The following ZNF248 variants were observed in gnomAD, a reference collection of about 807,000 sequenced individuals.
The protein encoded by ZNF248 is zinc finger protein 248, also known as KRAB protein domain.
In ZNF248, 20 loss-of-function variants were observed where a neutral mutation model predicts 44.3. The ratio of observed to expected loss-of-function variants is 0.45; its 90% CI spans 0.32 to 0.66. The LOEUF is 0.66. Ranked by LOEUF, ZNF248 falls within the 30% of genes least tolerant of loss-of-function variation. The probability of loss-of-function intolerance (pLI) is 0.04; values close to 1 mark genes in which losing one functional copy is unlikely to be tolerated. For missense variants in ZNF248, 654 were observed against 677.0 expected, an observed-to-expected ratio of 0.97 and a Z score of 0.38; for synonymous variants, 224 against 229.0, an observed-to-expected ratio of 0.98 and a Z score of 0.20.
chr10:37,798,177 GA>G (rs1310627402), intron 6 of ZNF248, among the ~76,000 whole-genome samples: 2 of 152,084 alleles, frequency 1.3e-5, no homozygotes, highest in Non-Finnish European at 2.9e-5. Flanking sequence ...AATGAATCTT[GA>G]AAATATTATG....
intron 3 of ZNF248, 63 bp downstream of exon 3, chr10:37,856,233 A>T: frequency 2.6e-6 from 4 of 1,555,460 alleles, no homozygotes; most frequent in Non-Finnish European, 3.5e-6. Flanking sequence ...CAAAACATAA[A>T]CCCTTATAAA....
chr10:37,820,327 A>G, intron 6 of ZNF248: 4 of 1,393,674 alleles, frequency 2.9e-6, no homozygotes, highest in Non-Finnish European at 4.1e-6. Context: ...ACAGAAGTGA[A>G]GCACAGGCCA....
chr10:37,851,027 T>C (rs891553783), intron 3 of ZNF248, among the ~76,000 whole-genome samples: 2 of 152,030 alleles, frequency 1.3e-5, no homozygotes, highest in Non-Finnish European at 2.9e-5. Context: ...GGAGAAAATA[T>C]TTGCAAACCA....
At chr10:37,818,933 C>T (rs2053007326) in intron 6 of ZNF248, 1 of 1,111,126 alleles carries the variant, frequency 9.0e-7, no homozygotes. Context: ...ACCGACCACA[C>T]AACAATTTTA....
At chr10:37,819,036 C>G (rs1194197812) in intron 6 of ZNF248, 11 of 819,920 alleles carry the variant, frequency 1.3e-5, no homozygotes. Context: ...TCCATGCCAC[C>G]CACTGAATTG....
At chr10:37,795,182 A>T (rs2049007187) in intron 6 of ZNF248, 1 of 152,236 alleles carries the variant, frequency 6.6e-6, no homozygotes, top group Non-Finnish European at 1.5e-5. Flanking sequence ...ATGTACGTAC[A>T]GTAGAATGTG....
At chr10:37,764,188 TA>T in the ZNF248 span, among the ~76,000 whole-genome samples, 4 of 152,186 alleles carry the variant, frequency 2.6e-5, no homozygotes, top group African/African-American at 9.7e-5. Flanking sequence ...AATGCATTCC[TA>T]GGGGGAGGTC....
At chr10:37,765,737 C>A in the ZNF248 span, among the ~76,000 whole-genome samples, 3 of 152,210 alleles carry the variant, frequency 2.0e-5, no homozygotes, top group African/African-American at 7.2e-5. Flanking sequence ...GTTCATCTCA[C>A]TAGGGAGTGC....
downstream of ZNF248, among the ~76,000 whole-genome samples, chr10:37,773,988 TACACAC>T (rs139568981): frequency 6.7e-6 from 1 of 149,166 alleles, no homozygotes; most frequent in African/African-American, 2.5e-5. Flanking sequence ...TGAAAATGAA[TACACAC>T]ACACACACAC....
the ZNF248 span, among the ~76,000 whole-genome samples, chr10:37,760,890 C>G: frequency 6.6e-6 from 1 of 152,116 alleles, no homozygotes. Flanking sequence ...TGTATGAGCA[C>G]AAACAAAGAA....
In ZNF248 at chr10:37,849,512, G is replaced by A. The variant is rs189131993; in HGVS notation, c.15+6784C>T. Among the ~76,000 whole-genome samples, 980 of 151,564 alleles carry A rather than the reference G, an allele frequency of 6.5e-3. 4 individuals are homozygous for A. Among genetic ancestry groups the A allele is most frequent in the African/African-American group, 0.016 (648 of 41,304 alleles). On this transcript the variant is annotated intron_variant, in intron 3 of 5. Coordinates refer to ENST00000395867, the MANE Select transcript of ZNF248 (RefSeq NM_021045.3). ...AGCCTGGCTAACAAGGTGAAACCCC[G>A]TTTCTACTAAAAATACAAAAAAAAA...
chr10:37,836,837 A>G (rs1166905552), intron 5 of ZNF248, among the ~76,000 whole-genome samples: 1 of 151,888 alleles, frequency 6.6e-6, no homozygotes, highest in Non-Finnish European at 1.5e-5. Context: ...TAATACACAC[A>G]CTAAGATACC....
chr10:37,774,576 C>A (rs2046434545), downstream of ZNF248, among the ~76,000 whole-genome samples: 1 of 152,148 alleles, frequency 6.6e-6, no homozygotes, highest in African/African-American at 2.4e-5. Context: ...CGGAAGAAAT[C>A]TACCACCTGG....
chr10:37,836,426 C>T (rs548620698), intron 5 of ZNF248, among the ~76,000 whole-genome samples: 7 of 152,270 alleles, frequency 4.6e-5, no homozygotes, highest in East Asian at 3.9e-4. Flanking sequence ...TACCAGTCTC[C>T]ACCATGCCCG....
chr10:37,772,946 C>T (rs1044641688), downstream of ZNF248, among the ~76,000 whole-genome samples: 1 of 152,088 alleles, frequency 6.6e-6, no homozygotes, highest in East Asian at 1.9e-4. Flanking sequence ...ACCAGTAACA[C>T]AAGCTACATA....
chr10:37,847,606 A>G (rs1461088644), intron 3 of ZNF248, among the ~76,000 whole-genome samples: 1 of 152,230 alleles, frequency 6.6e-6, no homozygotes, highest in Non-Finnish European at 1.5e-5. Flanking sequence ...TAAAGCAAAT[A>G]AGGCAAAAAT....
chr10:37,820,608 C>A, intron 6 of ZNF248: 1 of 1,579,222 alleles, frequency 6.3e-7, no homozygotes, highest in Non-Finnish European at 8.7e-7. Flanking sequence ...TTACGTCCCC[C>A]AGCAGTGCCT....
chr10:37,797,844 T>A (rs903790787), intron 6 of ZNF248, among the ~76,000 whole-genome samples: 5 of 152,162 alleles, frequency 3.3e-5, no homozygotes, highest in African/African-American at 1.2e-4. Context: ...AAATCCCTCA[T>A]GCACATTGTT....
intron 3 of ZNF248, among the ~76,000 whole-genome samples, chr10:37,854,300 CAA>C (rs1428690803): frequency 6.6e-6 from 1 of 151,880 alleles, no homozygotes; most frequent in Non-Finnish European, 1.5e-5. Flanking sequence ...GAACAATTAT[CAA>C]AAGACAAATG....
Sources: allele counts gnomAD v4.1 joint callset (sites outside exome capture counted in the v4.1 genomes callset), GRCh38; gene constraint gnomAD v4.1.1; transcripts MANE v1.5; gene names NCBI Gene and HGNC (gene_info 2026-07-23, HGNC 2026-07-21).